TBP: variants seen among roughly 807,000 people sequenced by gnomAD.
TBP encodes the protein TATA-box-binding protein.
In TBP, 12 loss-of-function variants were observed where a neutral mutation model predicts 46.2. That is an observed-to-expected ratio of 0.26 (90% CI 0.17 to 0.42). The LOEUF (loss-of-function observed/expected upper bound fraction) is 0.42. Among genes scored for constraint, TBP ranks in the 10% least tolerant of loss-of-function variants. The pLI, the probability that TBP is intolerant of heterozygous loss-of-function variation, is 1.00. For missense variants in TBP, 229 were observed against 403.1 expected (o/e 0.57, Z 3.70); for synonymous variants, 157 against 148.3 (o/e 1.06, Z -0.42).
At chr6:170,566,453 G>A (rs982846998) in intron 4 of TBP, among the ~76,000 whole-genome samples, 18 of 152,116 alleles carry the variant, frequency 1.2e-4, no homozygotes, top group East Asian at 3.8e-4. Flanking sequence ...ACTTCATTAC[G>A]TATTGATAGG....
chr6:170,570,039 C>A (rs940697497), intron 6 of TBP, among the ~76,000 whole-genome samples: 1 of 152,210 alleles, frequency 6.6e-6, no homozygotes, highest in South Asian at 2.1e-4. Flanking sequence ...TATGTTTTAT[C>A]GTTTTATTGC....
intron 2 of TBP, 80 bp from the exon 3 acceptor site, chr6:170,561,711 G>T: frequency 6.4e-7 from 1 of 1,553,872 alleles, no homozygotes; most frequent in South Asian, 1.2e-5. Flanking sequence ...TTGCACACCT[G>T]ACCTGCTGTT....
rs1778974566 is a variant in TBP at position 170,554,501 on chromosome 6, G to A, written c.-149+38G>A. Reference sequence around the variant, plus strand: ...ACTCTTTTCTGACGGTTCGGGCGAAGGCCACCACTGCACTGAGGCCTGGGG... The same window carrying A: ...ACTCTTTTCTGACGGTTCGGGCGAAAGCCACCACTGCACTGAGGCCTGGGG... On this transcript the variant is annotated intron_variant, in intron 1 of 7. Transcript: ENST00000392092. The A allele has an allele frequency of 2.0e-5, 3 of 152,664 alleles. No homozygotes were observed. The South Asian group carries it at 6.2e-4, about 32-fold the overall frequency. The allele number at this position is 152,664 out of a possible 1,614,324, so 9.5% of individuals were successfully genotyped here.
At chr6:170,564,804 T>G (rs1415735582) in intron 4 of TBP, among the ~76,000 whole-genome samples, 172 bp downstream of exon 4, 2 of 151,900 alleles carry the variant, frequency 1.3e-5, no homozygotes, top group Non-Finnish European at 2.9e-5. Flanking sequence ...GAGAATTTCT[T>G]GAACCTAGGA....
rs1779201847 is a variant in TBP, at chr6:170,564,265, TG to T, written c.498-279del. Among the ~76,000 whole-genome samples, 9 of 152,348 alleles carry T rather than the reference TG, an allele frequency of 5.9e-5. 1 individual carries two copies. In the South Asian group the frequency reaches 1.9e-3, roughly 32 times the overall value. Reference sequence around the variant, plus strand: ...CCTGGCTCCTCCACTTGGGAGCCATTGCGTCCTGAGCAAGTTGCACTCTACC... The same window carrying T: ...CCTGGCTCCTCCACTTGGGAGCCATTCGTCCTGAGCAAGTTGCACTCTACC... On this transcript the variant is annotated intron_variant, in intron 3 of 7. Transcript: ENST00000392092.
intron 6 of TBP, among the ~76,000 whole-genome samples, chr6:170,571,002 G>A (rs1273934000): frequency 2.6e-5 from 4 of 152,134 alleles, no homozygotes; most frequent in Admixed American, 6.5e-5. Context: ...TAAACTGTCA[G>A]TATTGGATCT....
At position 170,566,899 on chromosome 6, in the gene TBP, TTCTC is replaced by T. The variant is rs770839722; in HGVS notation, c.586-15_586-12del. 2 of 1,610,158 alleles carry T rather than the reference TTCTC, an allele frequency of 1.2e-6. No individual in the cohort carries two copies. The highest frequency in any genetic ancestry group is 3.3e-5 in the Admixed American group (2 of 59,870). ...CAGTTTGGCATGACCTCACTAATGA[TTCTC>T]TCTGACCATTGTAGCGGTTTGCTGC... On this transcript the variant is annotated splice_polypyrimidine_tract_variant and intron_variant, in intron 4 of 7. Coordinates refer to ENST00000392092, the MANE Select transcript of TBP (RefSeq NM_003194.5).
intron 2 of TBP, among the ~76,000 whole-genome samples, chr6:170,558,592 T>C (rs1779077356): frequency 6.6e-6 from 1 of 152,224 alleles, no homozygotes; most frequent in African/African-American, 2.4e-5. Flanking sequence ...AAGTGTGTAC[T>C]CACTTCATGT....
In TBP at chr6:170,561,784, T is replaced by A. The variant is rs753686356; in HGVS notation, c.55-7T>A. 5.6e-6 allele frequency: 9 copies of A among 1,604,784 alleles called. No homozygotes were observed. Among genetic ancestry groups the A allele is most frequent in the Non-Finnish European group, 7.7e-6 (9 of 1,172,686 alleles). On this transcript the variant is annotated splice_region_variant and splice_polypyrimidine_tract_variant and intron_variant, in intron 2 of 7. Transcript: ENST00000392092. ...GCCTAACCTGTTTTTCTCCTTGCTT[T>A]CCACAGGGTGCCATGACTCCCGGAA...
intron 4 of TBP, among the ~76,000 whole-genome samples, chr6:170,566,113 TAAAGC>T (rs998029261): frequency 6.6e-6 from 1 of 152,096 alleles, no homozygotes; most frequent in African/African-American, 2.4e-5. Flanking sequence ...ATAAAATTGT[TAAAGC>T]AATCTAGTTT....
intron 5 of TBP, chr6:170,567,322 TAA>T: frequency 6.5e-6 from 1 of 153,864 alleles, no homozygotes; most frequent in East Asian, 1.9e-4. Context: ...CCATCTCTAC[TAA>T]AAATACAAAA....
intron 2 of TBP, among the ~76,000 whole-genome samples, chr6:170,561,094 GC>G (rs200216849): frequency 0.04 from 6,026 of 152,298 alleles, 148 homozygotes; most frequent in Middle Eastern, 0.085. Flanking sequence ...TCAGTCAGCA[GC>G]CATCAACATC....
chr6:170,557,529 G>A (rs558063408), intron 2 of TBP, among the ~76,000 whole-genome samples: 9 of 152,244 alleles, frequency 5.9e-5, no homozygotes, highest in Non-Finnish European at 8.8e-5. Context: ...GAGGTCAGGA[G>A]TTCGAGACCA....
intron 2 of TBP, among the ~76,000 whole-genome samples, chr6:170,560,336 A>G (rs559213043): frequency 2.0e-5 from 3 of 151,714 alleles, no homozygotes; most frequent in Non-Finnish European, 4.4e-5. Flanking sequence ...CTGTTGCTAC[A>G]AAAAAAAATT....
At chr6:170,567,058 G>T (rs1779266677) in intron 5 of TBP, 49 bp downstream of exon 5, 2 of 1,495,506 alleles carry the variant, frequency 1.3e-6, no homozygotes, top group East Asian at 4.6e-5. Context: ...TGAATGAAAA[G>T]GTGATATCTC....
At chr6:170,558,215 C>T (rs1779068386) in intron 2 of TBP, among the ~76,000 whole-genome samples, 1 of 152,184 alleles carries the variant, frequency 6.6e-6, no homozygotes, top group Non-Finnish European at 1.5e-5. Flanking sequence ...TGGGTAAATA[C>T]TTAGGAGTAG....
chr6:170,558,441 C>A (rs967367556), intron 2 of TBP, among the ~76,000 whole-genome samples: 3 of 152,150 alleles, frequency 2.0e-5, no homozygotes, highest in Non-Finnish European at 4.4e-5. Context: ...ACTAATGTTT[C>A]TGAGCACCTT....
chr6:170,557,663 G>A (rs1223059841), intron 2 of TBP, among the ~76,000 whole-genome samples: 2 of 149,722 alleles, frequency 1.3e-5, no homozygotes, highest in Non-Finnish European at 3.0e-5. Flanking sequence ...TTGAACCCGG[G>A]AGGTGGAGGT....
At position 170,562,225 on chromosome 6, in the gene TBP, G is replaced by A. The variant is rs764813677; in HGVS notation, c.489G>A (p.Pro163=). ...CTTCGGAGAGTTCTGGGATTGTACC[G>A]CAGCTGCAGTGAGTACTTCGTGTTT... The part of the protein sequence containing the change: ...TPASESSGIV[P]QLQNIVSTVN... Residue 163 remains proline, a synonymous_variant, in exon 3 of 8, where the codon CCG becomes CCA. Transcript: ENST00000392092. 5.1e-5 allele frequency: 82 copies of A among 1,613,160 alleles called. No individual in the cohort carries two copies. The highest frequency in any genetic ancestry group is 6.7e-5 in the Non-Finnish European group (79 of 1,179,376).
Sources: gnomAD v4.1 joint callset for allele counts (sites outside exome capture counted in the v4.1 genomes callset) on GRCh38, gnomAD v4.1.1 for gene constraint, MANE v1.5 for transcripts, NCBI Gene and HGNC (gene_info 2026-07-23, HGNC 2026-07-21) for gene names.